The following MAML1 variants were observed in gnomAD, a reference collection of about 807,000 sequenced individuals.
MAML1 encodes the protein mastermind-like protein 1.
Under a neutral mutation model 77.1 loss-of-function variants are expected in MAML1, and 14 were observed. The ratio of observed to expected loss-of-function variants is 0.18; its 90% CI spans 0.12 to 0.28. MAML1 has a LOEUF of 0.28. Among genes scored for constraint, MAML1 ranks in the 10% least tolerant of loss-of-function variants. MAML1 has a pLI of 1.00. For synonymous variants in MAML1, 516 were observed against 551.9 expected, an observed-to-expected ratio of 0.93 and a Z score of 0.91; for missense variants, 1,217 against 1,327.8, an observed-to-expected ratio of 0.92 and a Z score of 1.30.
chr5:179,745,442 G>A lies in MAML1; in HGVS notation c.315+12015G>A, dbSNP rs912025953. ...TAAAGGAAAGTAATAATGGCTGGGC[G>A]CGGTGGCTCACGCCTGTAATCCCAG... On this transcript the variant is annotated intron_variant, in intron 1 of 4. Transcript: ENST00000292599. Among the ~76,000 whole-genome samples, 9 of 151,758 alleles carry A rather than the reference G, an allele frequency of 5.9e-5. No individual in the cohort carries two copies. The South Asian group carries it at 1.3e-3, about 21-fold the overall frequency.
At chr5:179,768,393 G>T (rs1176759861) in intron 2 of MAML1, among the ~76,000 whole-genome samples, 6 of 152,238 alleles carry the variant, frequency 3.9e-5, no homozygotes. Flanking sequence ...GGAGGCAGAG[G>T]TTGCGGTGAG....
chr5:179,775,618 C>T lies in MAML1; in HGVS notation c.*741C>T, dbSNP rs1756120438. On this transcript the variant is annotated 3_prime_UTR_variant, in exon 5 of 5. Transcript: ENST00000292599. ...CCTCCCTCCCAAGGCCCCCAGGAATCCCTTCCTCCCATGTCCTGGCAGCAG... is the reference window on the plus strand; with the variant it reads ...CCTCCCTCCCAAGGCCCCCAGGAATTCCTTCCTCCCATGTCCTGGCAGCAG... 1.0e-6 allele frequency: 1 copy of T among 985,304 alleles called. No homozygotes were observed. Among genetic ancestry groups the T allele is most frequent in the Non-Finnish European group, 1.2e-6 (1 of 829,938 alleles). The allele number at this position is 985,304 out of a possible 1,614,324, so 61.0% of individuals were successfully genotyped here.
At chr5:179,768,411 C>T (rs1779860489) in intron 2 of MAML1, among the ~76,000 whole-genome samples, 2 of 152,190 alleles carry the variant, frequency 1.3e-5, no homozygotes, top group South Asian at 4.1e-4. Context: ...GAGCCAAGAT[C>T]GTGCCATTGC....
chr5:179,735,389 A>G lies in MAML1; in HGVS notation c.315+1962A>G, dbSNP rs1011668903. 2.0e-5 allele frequency among the ~76,000 whole-genome samples: 3 copies of G among 151,944 alleles called. No homozygotes were observed. In the East Asian group the frequency reaches 5.8e-4, roughly 29 times the overall value. ...ACATATTATCTATGCTATTTGTTTT[A>G]TTTATTTATTTATTTTGAGATGGAG... On this transcript the variant is annotated intron_variant, in intron 1 of 4. Transcript: ENST00000292599.
At position 179,766,683 on chromosome 5, in the gene MAML1, T is replaced by A; in HGVS notation, c.1673T>A (p.Phe558Tyr). 6.3e-7 allele frequency: 1 copy of A among 1,594,834 alleles called. No individual in the cohort carries two copies. The highest frequency in any genetic ancestry group is 8.5e-7 in the Non-Finnish European group (1 of 1,169,992). ...SHISHEQNSL[F>Y]LMKPKPGNMP... ...ATAAGTCACGAGCAGAACTCCCTGT[T>A]TCTGATGAAGCCAAAGCCAGGAAAT... Residue 558 changes from phenylalanine (F) to tyrosine (Y), a missense_variant, in exon 2 of 5, where the codon TTT (phenylalanine) becomes TAT (tyrosine). Transcript: ENST00000292599. The surrounding 1 kb of genome is among the most constrained non-coding windows in gnomAD (Gnocchi z 4.0).
chr5:179,773,978 C>G lies in MAML1; in HGVS notation c.2152C>G (p.Leu718Val), dbSNP rs1272802699. 5.6e-6 allele frequency: 9 copies of G among 1,614,146 alleles called. No individual in the cohort carries two copies. Among genetic ancestry groups the G allele is most frequent in the Non-Finnish European group, 6.8e-6 (8 of 1,180,066 alleles). ...TCGAGTGTTCCCTCAGGCTGGGAAT[C>G]TGATGCCAATGGGCCCTGGACATGC... ...CPRVFPQAGN[L>V]MPMGPGHASV... Residue 718 changes from leucine to valine, a missense_variant, in exon 5 of 5, where the codon CTG becomes GTG. Transcript: ENST00000292599.
At position 179,774,775 on chromosome 5, in the gene MAML1, C is replaced by A. The variant is rs993114157; in HGVS notation, c.2949C>A (p.Leu983=). ...GCGGGCAGCCAGGTGGCAGTGGGCTCTCTAGTGTGGCTGGACACACCGATC... is the reference window on the plus strand; with the variant it reads ...GCGGGCAGCCAGGTGGCAGTGGGCTATCTAGTGTGGCTGGACACACCGATC... The part of the protein sequence containing the change: ...AYSGQPGGSG[L]SSVAGHTDLI... The change falls in exon 5 of 5, where the codon CTC becomes CTA. Residue 983 remains leucine, a synonymous_variant. Transcript: ENST00000292599. 1 of 1,613,750 alleles carries A rather than the reference C, an allele frequency of 6.2e-7. No homozygotes were observed. Among genetic ancestry groups the A allele is most frequent in the South Asian group, 1.1e-5 (1 of 91,092 alleles).
chr5:179,764,467 T>C (rs1338957157), intron 1 of MAML1, among the ~76,000 whole-genome samples: 1 of 150,808 alleles, frequency 6.6e-6, no homozygotes. Context: ...TCAAGACCAG[T>C]CTGACCAACA....
intron 1 of MAML1, among the ~76,000 whole-genome samples, chr5:179,764,549 A>G (rs1177584354): frequency 6.6e-6 from 1 of 151,720 alleles, no homozygotes; most frequent in Non-Finnish European, 1.5e-5. Context: ...AATCCCAGCT[A>G]CTCTGGAGGC....
intron 1 of MAML1, among the ~76,000 whole-genome samples, chr5:179,758,670 G>A (rs189173556): frequency 6.6e-5 from 10 of 151,934 alleles, no homozygotes; most frequent in Admixed American, 4.6e-4. Context: ...GATTACAGGC[G>A]TGAGCCACCA....
At chr5:179,762,870 T>C (rs114662713) in intron 1 of MAML1, among the ~76,000 whole-genome samples, 1 of 152,276 alleles carries the variant, frequency 6.6e-6, no homozygotes, top group African/African-American at 2.4e-5. Context: ...ATTTTGTGAG[T>C]AGTTGACAAA....
intron 1 of MAML1, among the ~76,000 whole-genome samples, chr5:179,757,065 C>T (rs1779635395): frequency 6.6e-6 from 1 of 152,074 alleles, no homozygotes; most frequent in East Asian, 1.9e-4. Flanking sequence ...AGGAACCACC[C>T]ACCCGCAGCC....
chr5:179,751,209 G>A (rs1180383887), intron 1 of MAML1, among the ~76,000 whole-genome samples: 1 of 151,964 alleles, frequency 6.6e-6, no homozygotes, highest in African/African-American at 2.4e-5. Flanking sequence ...CTGACCTCAG[G>A]TGATCCACCC....
chr5:179,740,861 TAAAA>T (rs765665454), intron 1 of MAML1, among the ~76,000 whole-genome samples: 3 of 152,166 alleles, frequency 2.0e-5, no homozygotes, highest in Non-Finnish European at 4.4e-5. Context: ...CTTTGCACTT[TAAAA>T]ATATTAGTGT....
In MAML1 at chr5:179,774,494, A is replaced by T. The variant is rs372898461; in HGVS notation, c.2668A>T (p.Met890Leu). ...CTCCCAGGCAGTGCCCAACAGGCCCATGGCTCCCATGAGCTCAGCAGCTGC... is the reference window on the plus strand; with the variant it reads ...CTCCCAGGCAGTGCCCAACAGGCCCTTGGCTCCCATGAGCTCAGCAGCTGC... ...QFSQAVPNRP[M>L]APMSSAAAVG... The change falls in exon 5 of 5, where the codon ATG (methionine) becomes TTG (leucine). Residue 890 changes from methionine (M) to leucine (L), a missense_variant. Met to Leu is a conservative substitution (Grantham distance 15). Coordinates refer to ENST00000292599, the MANE Select transcript of MAML1 (RefSeq NM_014757.5). The T allele has an allele frequency of 1.9e-6, 3 of 1,613,168 alleles. No homozygotes were observed. The highest frequency in any genetic ancestry group is 4.5e-5 in the East Asian group (2 of 44,896).
At chr5:179,757,802 A>T (rs901504381) in intron 1 of MAML1, among the ~76,000 whole-genome samples, 1 of 152,216 alleles carries the variant, frequency 6.6e-6, no homozygotes, top group Non-Finnish European at 1.5e-5. Flanking sequence ...ACAAGAATCA[A>T]TCTATTTAAC....
rs556853056 is a variant in MAML1, at chr5:179,746,888, TA to T, written c.315+13464del. Among the ~76,000 whole-genome samples the T allele has an allele frequency of 1.9e-3, 284 of 152,390 alleles. 1 individual carries two copies. The highest frequency in any genetic ancestry group is 6.1e-3 in the African/African-American group (255 of 41,594). ...AACAAAAAGCCTTTAGCAAGTCTTATAAATTGGTTATTGATTATGCCTGCTA... is the reference window on the plus strand; with the variant it reads ...AACAAAAAGCCTTTAGCAAGTCTTATAATTGGTTATTGATTATGCCTGCTA... On this transcript the variant is annotated intron_variant, in intron 1 of 4. Coordinates refer to ENST00000292599, the MANE Select transcript of MAML1 (RefSeq NM_014757.5).
chr5:179,770,943 T>C, intron 3 of MAML1: 1 of 507,396 alleles, frequency 2.0e-6, no homozygotes, highest in Admixed American at 3.3e-5. Context: ...AAAACAGGTA[T>C]ACCTACCTTT....
chr5:179,734,718 A>C (rs1302411252), intron 1 of MAML1, among the ~76,000 whole-genome samples: 1 of 152,014 alleles, frequency 6.6e-6, no homozygotes, highest in African/African-American at 2.4e-5. Flanking sequence ...TGCAGCCTCA[A>C]CCTTCCTGGC....
Sources: allele counts gnomAD v4.1 joint callset (sites outside exome capture counted in the v4.1 genomes callset), GRCh38; gene constraint gnomAD v4.1.1; non-coding constraint Gnocchi (gnomAD v3.1); transcripts MANE v1.5; gene names NCBI Gene and HGNC (gene_info 2026-07-23, HGNC 2026-07-21).